Variants in SH3KBP1 observed in about 807,000 individuals in gnomAD.
SH3KBP1 encodes the protein SH3 domain-containing kinase-binding protein 1.
A neutral mutation model predicts 50.1 loss-of-function variants in SH3KBP1; 8 were observed. The ratio of observed to expected loss-of-function variants is 0.16; its 90% CI spans 0.09 to 0.29. The LOEUF (loss-of-function observed/expected upper bound fraction) is 0.29. Ranked by LOEUF, SH3KBP1 falls within the 10% of genes least tolerant of loss-of-function variation. The pLI is 1.00. For synonymous variants in SH3KBP1, 227 were observed against 218.6 expected, an observed-to-expected ratio of 1.04 and a Z score of -0.34; for missense variants, 377 against 535.2, an observed-to-expected ratio of 0.70 and a Z score of 2.92.
In SH3KBP1 at chrX:19,610,394, AAG is replaced by A. The variant is rs1219903736; in HGVS notation, c.898-2351_898-2350del. Among the ~76,000 whole-genome samples, 8 of 111,466 alleles carry A rather than the reference AAG, an allele frequency of 7.2e-5. No individual in the cohort carries two copies. The Admixed American group carries it at 7.6e-4, about 11-fold the overall frequency. On this transcript the variant is annotated intron_variant, in intron 8 of 17. Coordinates refer to ENST00000397821, the MANE Select transcript of SH3KBP1 (RefSeq NM_031892.3). Reference sequence around the variant, plus strand: ...ATCAATGATAACAGAAAAACTTATGAAGGAAGCTGGGAGTAGAATTTCTTTGA... The same window carrying A: ...ATCAATGATAACAGAAAAACTTATGAGAAGCTGGGAGTAGAATTTCTTTGA...
chrX:19,872,775 A>G (rs1479710162), intron 1 of SH3KBP1, among the ~76,000 whole-genome samples: 1 of 108,647 alleles, frequency 9.2e-6, no homozygotes, highest in East Asian at 2.9e-4. Flanking sequence ...GACTGTCTCA[A>G]AAAAAAGAAG....
intron 8 of SH3KBP1, among the ~76,000 whole-genome samples, chrX:19,622,905 T>C (rs936433732): frequency 9.1e-6 from 1 of 110,138 alleles, no homozygotes; most frequent in Non-Finnish European, 1.9e-5. Flanking sequence ...TAGCTGGGTG[T>C]GGTGGCACAG....
chrX:19,643,663 T>A (rs1054712876), intron 7 of SH3KBP1, among the ~76,000 whole-genome samples: 1 of 111,421 alleles, frequency 9.0e-6, no homozygotes, highest in African/African-American at 3.3e-5. Context: ...CATATTAACA[T>A]CTATACCCAA....
chrX:19,863,058 A>T (rs749577853), intron 1 of SH3KBP1, among the ~76,000 whole-genome samples: 1 of 112,430 alleles, frequency 8.9e-6, no homozygotes, highest in Admixed American at 9.4e-5. Context: ...CCACTAAAGG[A>T]GGACCCTGTC....
At chrX:19,814,432 G>A (rs1198278237) in intron 2 of SH3KBP1, among the ~76,000 whole-genome samples, 1 of 110,987 alleles carries the variant, frequency 9.0e-6, no homozygotes, top group African/African-American at 3.3e-5. Flanking sequence ...GGCCCTCCCT[G>A]ATCTGGAGCC....
At chrX:19,845,077 T>C (rs1383585582) in intron 1 of SH3KBP1, among the ~76,000 whole-genome samples, 1 of 110,647 alleles carries the variant, frequency 9.0e-6, no homozygotes, top group Non-Finnish European at 1.9e-5. Flanking sequence ...AGACTCCGTC[T>C]CAAAAAATAG....
At chrX:19,799,600 C>A in intron 2 of SH3KBP1, 2 of 1,191,147 alleles carry the variant, frequency 1.7e-6, no homozygotes, top group Non-Finnish European at 2.3e-6. Context: ...ATGCAGACAT[C>A]GCAACAATCA....
rs181664256 is a variant in SH3KBP1 at position 19,719,302 on chromosome X, A to T, written c.287-12318T>A. 3.6e-5 allele frequency among the ~76,000 whole-genome samples: 4 copies of T among 111,258 alleles called. No individual in the cohort carries two copies. In the East Asian group the frequency reaches 1.1e-3, roughly 32 times the overall value. On this transcript the variant is annotated intron_variant, in intron 3 of 17. Transcript: ENST00000397821. ...GATCCCTATGTGGACCCCAGGTGCC[A>T]TATATCTAGAAAATCCCCGATCCAG...
chrX:19,879,584 T>C (rs1236009026), intron 1 of SH3KBP1, among the ~76,000 whole-genome samples: 1 of 112,040 alleles, frequency 8.9e-6, no homozygotes, highest in African/African-American at 3.2e-5. Flanking sequence ...GGCCAAACAC[T>C]ACCAGAAGCA....
At chrX:19,875,234 G>A (rs762899073) in intron 1 of SH3KBP1, among the ~76,000 whole-genome samples, 9 of 111,410 alleles carry the variant, frequency 8.1e-5, no homozygotes, top group Middle Eastern at 4.6e-3. Context: ...ACTTTTTAAC[G>A]GCCGCCAACT....
chrX:19,875,247 A>G (rs1007104828), intron 1 of SH3KBP1, among the ~76,000 whole-genome samples: 9 of 111,689 alleles, frequency 8.1e-5, no homozygotes, highest in African/African-American at 2.6e-4. Context: ...CGCCAACTCA[A>G]TAGGTGACAT....
intron 8 of SH3KBP1, among the ~76,000 whole-genome samples, chrX:19,624,468 T>C (rs1391461741): frequency 8.9e-6 from 1 of 111,888 alleles, no homozygotes; most frequent in Admixed American, 9.5e-5. Flanking sequence ...TTACATCAGC[T>C]GCAAGCTCAT....
Position 19,604,596 on chromosome X carries a change from C to T in SH3KBP1, c.1005+3342G>A, listed in dbSNP as rs2067187543. On this transcript the variant is annotated intron_variant, in intron 9 of 17. Transcript: ENST00000397821. Reference sequence around the variant, plus strand: ...AAGACAAGATGACATCTGCTGACACCAGTGGCAGAACGTTTCAGACTCTAG... The same window carrying T: ...AAGACAAGATGACATCTGCTGACACTAGTGGCAGAACGTTTCAGACTCTAG... Among the ~76,000 whole-genome samples the T allele has an allele frequency of 3.6e-5, 4 of 112,026 alleles. No individual in the cohort carries two copies. In the South Asian group the frequency reaches 1.5e-3, roughly 42 times the overall value.
chrX:19,644,349 T>C lies in SH3KBP1; in HGVS notation c.802+1051A>G, dbSNP rs1360779992. Among the ~76,000 whole-genome samples, 6 of 111,644 alleles carry C rather than the reference T, an allele frequency of 5.4e-5. No individual in the cohort carries two copies. The East Asian group carries it at 1.7e-3, about 31-fold the overall frequency. On this transcript the variant is annotated intron_variant, in intron 7 of 17. Coordinates refer to ENST00000397821, the MANE Select transcript of SH3KBP1 (RefSeq NM_031892.3). ...AATAACTTAATTGTACATTTTAAAA[T>C]AAAGAGTGTAACTGGATTGTTTGTA...
intron 2 of SH3KBP1, among the ~76,000 whole-genome samples, chrX:19,753,918 TTGA>T: frequency 8.9e-6 from 1 of 112,389 alleles, no homozygotes. Context: ...CAGAACCACG[TTGA>T]TGTCTCACAC....
At chrX:19,879,645 C>G (rs2069373065) in intron 1 of SH3KBP1, among the ~76,000 whole-genome samples, 1 of 112,629 alleles carries the variant, frequency 8.9e-6, no homozygotes, top group African/African-American at 3.2e-5. Flanking sequence ...AGCTTAACTA[C>G]CTAGGTATCA....
Position 19,783,638 on chromosome X carries a change from G to A in SH3KBP1, c.163-37197C>T, listed in dbSNP as rs752020644. ...TTAGCTCCCAGATGTAAGTAAAAAC[G>A]TGCACAGACCCTAGAGTTTGAACGG... On this transcript the variant is annotated intron_variant, in intron 2 of 17. Coordinates refer to ENST00000397821, the MANE Select transcript of SH3KBP1 (RefSeq NM_031892.3). 2.1e-4 allele frequency among the ~76,000 whole-genome samples: 23 copies of A among 111,017 alleles called. No individual in the cohort carries two copies. In the South Asian group the frequency reaches 6.4e-3, roughly 31 times the overall value.
chrX:19,703,695 A>ACT lies in SH3KBP1; in HGVS notation c.390+3184_390+3185dup, dbSNP rs1163423304. Among the ~76,000 whole-genome samples, 166 of 70,407 alleles carry ACT rather than the reference A, an allele frequency of 2.4e-3. 1 individual carries two copies. The highest frequency in any genetic ancestry group is 8.6e-3 in the African/African-American group (158 of 18,358). The allele number at this position is 70,407 out of a possible 115,157, so 61.1% of individuals were successfully genotyped here. A position where few individuals can be genotyped will look rare whatever the true frequency, so the allele number is the denominator to read the frequency against. On this transcript the variant is annotated intron_variant, in intron 4 of 17. Transcript: ENST00000397821. ...CTTATCTGTCAGGGCAAAAAGAGAA[A>ACT]CTGTGTGTGTGTGTGTGTGTGTGTG...
At chrX:19,838,088 AC>A (rs2068109269) in intron 1 of SH3KBP1, among the ~76,000 whole-genome samples, 9 of 108,651 alleles carry the variant, frequency 8.3e-5, no homozygotes, top group African/African-American at 2.5e-4. Flanking sequence ...AACAACAACA[AC>A]AACAACAACA....
Sources: allele counts gnomAD v4.1 joint callset (sites outside exome capture counted in the v4.1 genomes callset), GRCh38; gene constraint gnomAD v4.1.1; transcripts MANE v1.5; gene names NCBI Gene and HGNC (gene_info 2026-07-23, HGNC 2026-07-21).